The following CCDC171 variants were observed in gnomAD, a reference collection of about 807,000 sequenced individuals.
The protein encoded by CCDC171 is coiled-coil domain containing 171, also known as coiled-coil domain-containing protein 171.
Under a neutral mutation model 168.2 loss-of-function variants are expected in CCDC171, and 177 were observed. The ratio of observed to expected loss-of-function variants is 1.05; its 90% CI spans 0.93 to 1.19. CCDC171 has a LOEUF of 1.19. Among genes scored for constraint, CCDC171 ranks in the 50% most tolerant of loss-of-function variants. The probability of loss-of-function intolerance (pLI) is 0.00; values close to 1 mark genes in which losing one functional copy is unlikely to be tolerated. For synonymous variants in CCDC171, 687 were observed against 540.8 expected (o/e 1.27, Z -3.75); for missense variants, 1,991 against 1,539.0 (o/e 1.29, Z -4.91).
At chr9:15,985,221 T>C (rs1831947350) in intron 3 of CCDC171, among the ~76,000 whole-genome samples, 1 of 152,190 alleles carries the variant, frequency 6.6e-6, no homozygotes, top group South Asian at 2.1e-4. Flanking sequence ...GAAATAACCT[T>C]ACTTGAGTAA....
intron 4 of CCDC171, among the ~76,000 whole-genome samples, chr9:15,581,070 A>G (rs1358394087): frequency 6.6e-6 from 1 of 152,256 alleles, no homozygotes; most frequent in East Asian, 1.9e-4. Context: ...GCTGATAAGC[A>G]ACTTCAGCAA....
downstream of CCDC171, among the ~76,000 whole-genome samples, chr9:15,977,060 G>C (rs966337081): frequency 6.6e-6 from 1 of 152,124 alleles, no homozygotes; most frequent in Non-Finnish European, 1.5e-5. Context: ...GGTTAAGTGA[G>C]ACATAAATGT....
chr9:16,069,798 C>A, the CCDC171 span, among the ~76,000 whole-genome samples: 1 of 152,174 alleles, frequency 6.6e-6, no homozygotes, highest in East Asian at 1.9e-4. Flanking sequence ...TTGAAGGAGG[C>A]TGACAGTGCC....
Position 15,797,220 on chromosome 9 carries a change from TTGAC to T in CCDC171, c.3267+12530_3267+12533del, listed in dbSNP as rs776143847. Among the ~76,000 whole-genome samples the T allele has an allele frequency of 1.1e-3, 161 of 152,284 alleles. 4 individuals carry two copies. The highest frequency in any genetic ancestry group is 9.2e-4 in the Admixed American group (14 of 15,286). On this transcript the variant is annotated intron_variant, in intron 21 of 25. Coordinates refer to ENST00000380701, the MANE Select transcript of CCDC171 (RefSeq NM_173550.4). ...TTCAAACCATGTGATATTTGATTGA[TTGAC>T]TGATTTTTTTGAGACAAGGTCTCCC...
At chr9:15,794,640 A>G (rs1056888898) in intron 21 of CCDC171, among the ~76,000 whole-genome samples, 1 of 152,214 alleles carries the variant, frequency 6.6e-6, no homozygotes. Context: ...ACTGTGAGCT[A>G]AGAGTGGTTT....
chr9:15,913,766 A>G (rs528658931), intron 24 of CCDC171, among the ~76,000 whole-genome samples: 3 of 152,094 alleles, frequency 2.0e-5, no homozygotes, highest in Non-Finnish European at 4.4e-5. Flanking sequence ...GTTTTTCCTC[A>G]TCTTAGTGGA....
chr9:15,641,659 G>A (rs746237112), intron 7 of CCDC171, among the ~76,000 whole-genome samples: 13 of 152,014 alleles, frequency 8.6e-5, no homozygotes, highest in Non-Finnish European at 1.8e-4. Context: ...TTGCCCTCTT[G>A]AAAGACTGAA....
chr9:15,623,295 A>T lies in CCDC171; in HGVS notation c.704A>T (p.His235Leu). ...QEQDTAVQNMHKKVEKLETEH... is the reference protein window; with the variant it reads ...QEQDTAVQNMLKKVEKLETEH... ...CAAGATACTGCTGTGCAAAATATGC[A>T]TAAGAAAGTAGAAAAATTAGAAACA... is the stretch of plus-strand genomic sequence containing the variant. Residue 235 changes from histidine to leucine, a missense_variant, in exon 7 of 26, where the codon CAT becomes CTT. Coordinates refer to ENST00000380701, the MANE Select transcript of CCDC171 (RefSeq NM_173550.4). 6.3e-7 allele frequency: 1 copy of T among 1,598,130 alleles called. No individual in the cohort carries two copies. Among genetic ancestry groups the T allele is most frequent in the South Asian group, 1.1e-5 (1 of 87,752 alleles).
chr9:15,671,787 T>A (rs1023910774), intron 9 of CCDC171, among the ~76,000 whole-genome samples: 1 of 151,390 alleles, frequency 6.6e-6, no homozygotes, highest in African/African-American at 2.4e-5. Context: ...GTTCCAAGTC[T>A]TTGTGAATAG....
intron 21 of CCDC171, among the ~76,000 whole-genome samples, chr9:15,805,313 A>G (rs2059021479): frequency 6.6e-6 from 1 of 151,670 alleles, no homozygotes; most frequent in Non-Finnish European, 1.5e-5. Flanking sequence ...CTTGGTTCTC[A>G]AGTCCTTTTA....
intron 21 of CCDC171, among the ~76,000 whole-genome samples, chr9:15,832,864 C>T (rs913019749): frequency 7.9e-5 from 12 of 151,668 alleles, no homozygotes; most frequent in African/African-American, 2.4e-4. Context: ...CTTTTTTTAA[C>T]GTTTAAAACT....
At chr9:15,605,720 AG>A (rs2043181019) in intron 6 of CCDC171, among the ~76,000 whole-genome samples, 2 of 151,548 alleles carry the variant, frequency 1.3e-5, no homozygotes, top group Non-Finnish European at 2.9e-5. Flanking sequence ...TCCCTAATTT[AG>A]GGAAATTTAA....
intron 7 of CCDC171, among the ~76,000 whole-genome samples, chr9:15,635,279 C>T (rs1564103252): frequency 2.0e-5 from 3 of 152,090 alleles, no homozygotes; most frequent in African/African-American, 7.2e-5. Flanking sequence ...CTGAGAGCCC[C>T]TTTTTATCAT....
intron 21 of CCDC171, among the ~76,000 whole-genome samples, chr9:15,823,908 G>T (rs531429161): frequency 3.3e-5 from 5 of 152,178 alleles, no homozygotes; most frequent in African/African-American, 1.2e-4. Context: ...TCATTTTTAG[G>T]TAAGTTTTAG....
intron 4 of CCDC171, among the ~76,000 whole-genome samples, chr9:15,582,803 G>A (rs1284110352): frequency 6.6e-6 from 1 of 151,824 alleles, no homozygotes; most frequent in East Asian, 1.9e-4. Flanking sequence ...GCTGGGGGAG[G>A]GATAGCATCA....
At chr9:15,792,887 C>T (rs1262759050) in intron 21 of CCDC171, among the ~76,000 whole-genome samples, 2 of 152,038 alleles carry the variant, frequency 1.3e-5, no homozygotes, top group African/African-American at 4.8e-5. Flanking sequence ...TTGTAAAGAC[C>T]ATCGAGGCTA....
At chr9:15,580,923 C>A (rs927314370) in intron 4 of CCDC171, among the ~76,000 whole-genome samples, 1 of 152,142 alleles carries the variant, frequency 6.6e-6, no homozygotes, top group Non-Finnish European at 1.5e-5. Flanking sequence ...ATTGGAAGTT[C>A]TGGCCAGGGC....
intron 10 of CCDC171, among the ~76,000 whole-genome samples, chr9:15,691,283 G>A (rs974917158): frequency 1.3e-5 from 2 of 151,708 alleles, no homozygotes; most frequent in African/African-American, 2.4e-5. Flanking sequence ...AGTTTCTGAC[G>A]TGGAGAGATG....
At position 15,992,733 on chromosome 9, in the gene CCDC171, A is replaced by T. The variant is rs145271756; in HGVS notation, n.369-27856A>T. 3.1e-4 allele frequency among the ~76,000 whole-genome samples: 47 copies of T among 152,374 alleles called. No homozygotes were observed. The East Asian group carries it at 9.1e-3, about 29-fold the overall frequency. On this transcript the variant is annotated intron_variant and non_coding_transcript_variant, in intron 3 of 9. Transcript: ENST00000486641. Reference sequence around the variant, plus strand: ...CCAAAATCTCCTTAAGCTGATAAGCAACTTCAGCAAAGTCTCAGGATACAT... The same window carrying T: ...CCAAAATCTCCTTAAGCTGATAAGCTACTTCAGCAAAGTCTCAGGATACAT...
Sources: gnomAD v4.1 joint callset for allele counts (sites outside exome capture counted in the v4.1 genomes callset) on GRCh38, gnomAD v4.1.1 for gene constraint, MANE v1.5 for transcripts, NCBI Gene and HGNC (gene_info 2026-07-23, HGNC 2026-07-21) for gene names.